Variants in LNP1 observed in about 807,000 individuals in gnomAD.
The protein encoded by LNP1 is leukemia NUP98 fusion partner 1.
LNP1 carries 12 observed loss-of-function variants against 14.5 expected under a neutral mutation model. The ratio of observed to expected loss-of-function variants is 0.83; its 90% CI spans 0.53 to 1.34. The LOEUF (loss-of-function observed/expected upper bound fraction) is 1.34. Ranked by LOEUF, LNP1 falls within the 40% of genes most tolerant of loss-of-function variation. The pLI is 0.00. For missense variants in LNP1, 198 were observed against 210.9 expected (o/e 0.94, Z 0.38); for synonymous variants, 75 against 71.4 (o/e 1.05, Z -0.26).
chr3:100,442,074 C>A (rs547860657), intron 2 of LNP1, among the ~76,000 whole-genome samples: 37 of 152,198 alleles, frequency 2.4e-4, no homozygotes, highest in African/African-American at 8.9e-4. Context: ...AATATTTACC[C>A]TTATATTTCC....
chr3:100,432,984 G>A (rs187720430), intron 2 of LNP1, among the ~76,000 whole-genome samples: 3 of 152,278 alleles, frequency 2.0e-5, no homozygotes, highest in African/African-American at 7.2e-5. Flanking sequence ...GTCACCATAT[G>A]TACTTGCCCA....
At chr3:100,422,496 G>A (rs963013) in intron 1 of LNP1, among the ~76,000 whole-genome samples, 1 of 152,098 alleles carries the variant, frequency 6.6e-6, no homozygotes, top group African/African-American at 2.4e-5. Context: ...GTCTGTTTTA[G>A]AATAATTGGT....
chr3:100,449,711 A>T (rs555422201), intron 2 of LNP1, among the ~76,000 whole-genome samples: 1 of 152,318 alleles, frequency 6.6e-6, no homozygotes, highest in South Asian at 2.1e-4. Context: ...ACACACACAC[A>T]TAACACATAT....
At chr3:100,414,810 A>G (rs1425360927) in intron 1 of LNP1, among the ~76,000 whole-genome samples, 1 of 152,204 alleles carries the variant, frequency 6.6e-6, no homozygotes, top group Non-Finnish European at 1.5e-5. Context: ...TGGAAGACAC[A>G]TGAGCCTCAA....
At chr3:100,450,147 T>A (rs953292409) in intron 2 of LNP1, among the ~76,000 whole-genome samples, 1 of 151,474 alleles carries the variant, frequency 6.6e-6, no homozygotes, top group African/African-American at 2.4e-5. Context: ...GTTCCCCATA[T>A]TTTTGGAAAT....
chr3:100,425,755 T>C (rs1452410945), intron 1 of LNP1, among the ~76,000 whole-genome samples: 1 of 152,182 alleles, frequency 6.6e-6, no homozygotes, highest in Non-Finnish European at 1.5e-5. Context: ...ACACATCATG[T>C]TCCAGAATGG....
At chr3:100,408,049 G>C (rs1423530286) in intron 1 of LNP1, among the ~76,000 whole-genome samples, 2 of 152,260 alleles carry the variant, frequency 1.3e-5, no homozygotes, top group East Asian at 1.9e-4. Flanking sequence ...TAAAACAGCT[G>C]TTTTGAATTC....
chr3:100,425,304 AGAAG>A (rs1267030791), intron 1 of LNP1, among the ~76,000 whole-genome samples: 1 of 152,204 alleles, frequency 6.6e-6, no homozygotes, highest in Non-Finnish European at 1.5e-5. Flanking sequence ...TCTTTGTTTT[AGAAG>A]GACTGCCTGA....
At chr3:100,449,632 C>T (rs1049824329) in intron 2 of LNP1, among the ~76,000 whole-genome samples, 1 of 151,880 alleles carries the variant, frequency 6.6e-6, no homozygotes, top group Non-Finnish European at 1.5e-5. Context: ...TCCTAGGAGA[C>T]AAAACAAACA....
At chr3:100,435,647 G>A (rs898231824) in intron 2 of LNP1, among the ~76,000 whole-genome samples, 3 of 152,174 alleles carry the variant, frequency 2.0e-5, no homozygotes, top group Non-Finnish European at 2.9e-5. Flanking sequence ...CTGGAGACAG[G>A]CACTTCAAAG....
intron 1 of LNP1, among the ~76,000 whole-genome samples, chr3:100,408,268 A>T (rs1706990511): frequency 6.6e-6 from 1 of 152,184 alleles, no homozygotes; most frequent in East Asian, 1.9e-4. Flanking sequence ...GATTCTAGGC[A>T]GGTCATTTGG....
chr3:100,455,971 T>C lies in LNP1; in HGVS notation c.*45T>C. 1 of 1,563,756 alleles carries C rather than the reference T, an allele frequency of 6.4e-7. No individual in the cohort carries two copies. The highest frequency in any genetic ancestry group is 8.6e-7 in the Non-Finnish European group (1 of 1,158,098). ...GACATCAGATGCTACTGTTTTGGTT[T>C]TTTTCTTTGAGCCCCAATTCACCAT... On this transcript the variant is annotated 3_prime_UTR_variant, in exon 4 of 4. Transcript: ENST00000383693.
At chr3:100,403,850 CCTT>C (rs1217213147) in intron 1 of LNP1, among the ~76,000 whole-genome samples, 5 of 152,082 alleles carry the variant, frequency 3.3e-5, no homozygotes, top group African/African-American at 4.8e-5. Context: ...TTTTAAGGCT[CCTT>C]ATTGTTTTAA....
rs1707507506 is a variant in LNP1, at chr3:100,456,006, T to C, written c.*80T>C. 1.4e-6 allele frequency: 2 copies of C among 1,477,834 alleles called. No individual in the cohort carries two copies. Among genetic ancestry groups the C allele is most frequent in the Non-Finnish European group, 1.8e-6 (2 of 1,091,496 alleles). The allele number at this position is 1,477,834 out of a possible 1,614,324, so 91.5% of individuals were successfully genotyped here. A position where few individuals can be genotyped will look rare whatever the true frequency, so the allele number is the denominator to read the frequency against. ...AGCCCCAATTCACCATTTCAGGATG[T>C]GGATGGGGGCGGGGTTGGGGGTAAA... On this transcript the variant is annotated 3_prime_UTR_variant, in exon 4 of 4. Transcript: ENST00000383693.
chr3:100,435,549 G>C (rs1707286385), intron 2 of LNP1, among the ~76,000 whole-genome samples: 1 of 152,148 alleles, frequency 6.6e-6, no homozygotes, highest in South Asian at 2.1e-4. Flanking sequence ...TATACATTTA[G>C]AAAAGAAGAG....
At chr3:100,453,458 C>T (rs1055531270) in intron 3 of LNP1, among the ~76,000 whole-genome samples, 1 of 150,982 alleles carries the variant, frequency 6.6e-6, no homozygotes, top group Non-Finnish European at 1.5e-5. Flanking sequence ...GCCATGGTGT[C>T]CTGCACCTGT....
rs185693607 is a variant in LNP1 at position 100,415,499 on chromosome 3, A to T, written c.-34+13060A>T. On this transcript the variant is annotated intron_variant, in intron 1 of 3. Transcript: ENST00000383693. ...ATCCAGCAGTACCAGTGAGGCAAGG[A>T]TGTCAAAAAATGGAATTGTAAATTG... Among the ~76,000 whole-genome samples, 208 of 152,374 alleles carry T rather than the reference A, an allele frequency of 1.4e-3. 1 individual carries two copies. Among genetic ancestry groups the T allele is most frequent in the African/African-American group, 4.7e-3 (195 of 41,592 alleles).
chr3:100,445,598 T>C (rs1333060126), intron 2 of LNP1, among the ~76,000 whole-genome samples: 2 of 152,212 alleles, frequency 1.3e-5, no homozygotes, highest in Non-Finnish European at 2.9e-5. Context: ...TTAAAAAACA[T>C]TTTTAATCTC....
chr3:100,408,566 C>T (rs1576224578), intron 1 of LNP1, among the ~76,000 whole-genome samples: 2 of 152,162 alleles, frequency 1.3e-5, no homozygotes, highest in African/African-American at 2.4e-5. Flanking sequence ...CTGTAGTTGG[C>T]TGATGGTGAT....
Sources: gnomAD v4.1 joint callset for allele counts (sites outside exome capture counted in the v4.1 genomes callset) on GRCh38, gnomAD v4.1.1 for gene constraint, MANE v1.5 for transcripts, NCBI Gene and HGNC (gene_info 2026-07-23, HGNC 2026-07-21) for gene names.